SLC9A9: variants seen among roughly 807,000 people sequenced by gnomAD.
SLC9A9 encodes solute carrier family 9 member A9, also known as sodium/hydrogen exchanger 9.
Under a neutral mutation model 77.8 loss-of-function variants are expected in SLC9A9, and 62 were observed. That is an observed-to-expected ratio of 0.80 (90% CI 0.65 to 0.98). The LOEUF (loss-of-function observed/expected upper bound fraction) is 0.98, where lower values mean the gene tolerates loss of function less well. Among genes scored for constraint, SLC9A9 ranks in the 50% least tolerant of loss-of-function variants. The probability of loss-of-function intolerance (pLI) is 0.00; values close to 1 mark genes in which losing one functional copy is unlikely to be tolerated. For synonymous variants in SLC9A9, 320 were observed against 283.5 expected, an observed-to-expected ratio of 1.13 and a Z score of -1.29; for missense variants, 775 against 774.9, an observed-to-expected ratio of 1.00 and a Z score of 0.00.
intron 11 of SLC9A9, among the ~76,000 whole-genome samples, chr3:143,470,624 T>A (rs1235337096): frequency 6.6e-6 from 1 of 152,216 alleles, no homozygotes; most frequent in East Asian, 1.9e-4. Flanking sequence ...TGCTAAGTAT[T>A]AATAGTTCTC....
intron 14 of SLC9A9, among the ~76,000 whole-genome samples, chr3:143,302,915 C>T (rs540110184): frequency 6.6e-6 from 1 of 152,324 alleles, no homozygotes; most frequent in African/African-American, 2.4e-5. Context: ...TGTGGAGTCC[C>T]TCCCACGTTA....
intron 9 of SLC9A9, among the ~76,000 whole-genome samples, chr3:143,529,773 C>T (rs928542237): frequency 1.3e-5 from 2 of 151,940 alleles, no homozygotes; most frequent in African/African-American, 2.4e-5. Context: ...GATATGTACA[C>T]CGAAAAGAGA....
intron 5 of SLC9A9, among the ~76,000 whole-genome samples, chr3:143,657,203 G>A (rs558143829): frequency 3.3e-5 from 5 of 152,210 alleles, no homozygotes; most frequent in Non-Finnish European, 7.4e-5. Context: ...AGTTACATGA[G>A]AGAAACAATG....
chr3:143,674,302 C>G (rs1004116436), intron 5 of SLC9A9, among the ~76,000 whole-genome samples: 1 of 152,164 alleles, frequency 6.6e-6, no homozygotes, highest in African/African-American at 2.4e-5. Context: ...CTTTTGATAT[C>G]CAGGACGCTC....
intron 6 of SLC9A9, among the ~76,000 whole-genome samples, chr3:143,640,697 C>A (rs983957971): frequency 6.6e-6 from 1 of 151,942 alleles, no homozygotes; most frequent in African/African-American, 2.4e-5. Flanking sequence ...CCAGTCTTTA[C>A]AAAAAATACA....
At chr3:143,589,419 G>A (rs57212039) in intron 6 of SLC9A9, among the ~76,000 whole-genome samples, 17,513 of 152,004 alleles carry the variant, frequency 0.12, 1,190 homozygotes, top group Non-Finnish European at 0.16. Context: ...ACAGTGGTCC[G>A]GTAAGATTAC....
intron 1 of SLC9A9, among the ~76,000 whole-genome samples, chr3:143,844,769 CTTTCTTTCT>C (rs1247829300): frequency 6.9e-6 from 1 of 145,862 alleles, no homozygotes. Flanking sequence ...TTCTTTCTTT[CTTTCTTTCT>C]TTCTTTCTTT....
chr3:143,625,823 C>G, intron 6 of SLC9A9, among the ~76,000 whole-genome samples: 1 of 152,154 alleles, frequency 6.6e-6, no homozygotes, highest in South Asian at 2.1e-4. Context: ...TCAGAGTGAA[C>G]AGGCAACCTA....
chr3:143,679,722 TAAAGG>T (rs1933019726), intron 5 of SLC9A9, among the ~76,000 whole-genome samples: 1 of 152,098 alleles, frequency 6.6e-6, no homozygotes. Context: ...TTGATACTCC[TAAAGG>T]AACATGAGCA....
chr3:143,440,157 T>G (rs113332196), intron 12 of SLC9A9, among the ~76,000 whole-genome samples: 36 of 152,302 alleles, frequency 2.4e-4, no homozygotes, highest in African/African-American at 8.2e-4. Flanking sequence ...TGGCTGAGAA[T>G]TTTTGTGACT....
chr3:143,621,643 G>A (rs2038214831), intron 6 of SLC9A9, among the ~76,000 whole-genome samples: 1 of 152,136 alleles, frequency 6.6e-6, no homozygotes, highest in Non-Finnish European at 1.5e-5. Flanking sequence ...ACCAAAGGTA[G>A]AGAAAACCAC....
In SLC9A9 at chr3:143,503,082, A is replaced by G. The variant is rs533241632; in HGVS notation, c.1090-7634T>C. ...ATTTAATTAATATTTTGGGCTGAGT[A>G]CGGGGACTCTATTGATGGTGCAGGA... On this transcript the variant is annotated intron_variant, in intron 9 of 15. Transcript: ENST00000316549. Among the ~76,000 whole-genome samples, 597 of 152,308 alleles carry G rather than the reference A, an allele frequency of 3.9e-3. 3 individuals are homozygous for G. The highest frequency in any genetic ancestry group is 7.0e-3 in the Non-Finnish European group (474 of 68,024).
chr3:143,816,935 G>A, intron 2 of SLC9A9, among the ~76,000 whole-genome samples: 1 of 151,748 alleles, frequency 6.6e-6, no homozygotes, highest in Admixed American at 6.6e-5. Flanking sequence ...TGGCCTTTGT[G>A]GTATCTCTTT....
At chr3:143,396,970 T>C (rs1371827787) in intron 12 of SLC9A9, among the ~76,000 whole-genome samples, 3 of 152,144 alleles carry the variant, frequency 2.0e-5, no homozygotes, top group South Asian at 2.1e-4. Context: ...CTTTGAAAAA[T>C]AAACAAGAAT....
chr3:143,549,284 G>C (rs1370741077), intron 9 of SLC9A9, among the ~76,000 whole-genome samples: 2 of 152,198 alleles, frequency 1.3e-5, no homozygotes, highest in Non-Finnish European at 2.9e-5. Context: ...CTCTTTCAAA[G>C]TGGGGACCTT....
intron 12 of SLC9A9, among the ~76,000 whole-genome samples, chr3:143,414,121 T>A (rs1005644192): frequency 5.9e-5 from 9 of 152,288 alleles, no homozygotes; most frequent in East Asian, 3.9e-4. Context: ...ATCAATTGCA[T>A]TTCAATTCCT....
At chr3:143,808,676 C>G (rs1404788306) in intron 2 of SLC9A9, among the ~76,000 whole-genome samples, 1 of 152,178 alleles carries the variant, frequency 6.6e-6, no homozygotes, top group Non-Finnish European at 1.5e-5. Context: ...CATGGACACT[C>G]AGAGCCAAAT....
intron 14 of SLC9A9, among the ~76,000 whole-genome samples, chr3:143,310,487 G>T (rs76809388): frequency 3.3e-5 from 5 of 150,922 alleles, no homozygotes; most frequent in South Asian, 2.1e-4. Flanking sequence ...AAATGCAGGC[G>T]TGGTGTGGCC....
chr3:143,700,935 A>C (rs1376883302), intron 4 of SLC9A9, among the ~76,000 whole-genome samples: 1 of 152,244 alleles, frequency 6.6e-6, no homozygotes, highest in Non-Finnish European at 1.5e-5. Flanking sequence ...CCTCAACCCC[A>C]GGTCCAGGCA....
Sources: allele counts gnomAD v4.1 joint callset (sites outside exome capture counted in the v4.1 genomes callset), GRCh38; gene constraint gnomAD v4.1.1; transcripts MANE v1.5; gene names NCBI Gene and HGNC (gene_info 2026-07-23, HGNC 2026-07-21).